The following PCCA variants were observed in gnomAD, a reference collection of about 807,000 sequenced individuals.
The protein encoded by PCCA is propionyl-CoA carboxylase alpha chain, mitochondrial.
In PCCA, 74 loss-of-function variants were observed where a neutral mutation model predicts 101.3. That is an observed-to-expected ratio of 0.73 (90% confidence interval 0.61 to 0.89). The LOEUF (loss-of-function observed/expected upper bound fraction) is 0.89, where lower values mean the gene tolerates loss of function less well. PCCA is among the 40% of genes least tolerant of loss of function. The pLI, the probability that PCCA is intolerant of heterozygous loss-of-function variation, is 0.00. For synonymous variants in PCCA, 294 were observed against 313.6 expected (o/e 0.94, Z 0.66); for missense variants, 891 against 907.0 (o/e 0.98, Z 0.23).
At chr13:100,514,283 A>T (rs2086679967) in intron 21 of PCCA, among the ~76,000 whole-genome samples, 1 of 152,198 alleles carries the variant, frequency 6.6e-6, no homozygotes, top group Admixed American at 6.5e-5. Context: ...AGGCCATCAA[A>T]GCTCTGCCCC....
chr13:100,398,343 G>A (rs146366131), intron 19 of PCCA, among the ~76,000 whole-genome samples: 197 of 152,296 alleles, frequency 1.3e-3, no homozygotes, highest in African/African-American at 4.3e-3. Flanking sequence ...CATTGAGAAC[G>A]TTACCTCAGT....
intron 19 of PCCA, among the ~76,000 whole-genome samples, chr13:100,419,572 AT>A (rs2078611583): frequency 6.6e-6 from 1 of 152,232 alleles, no homozygotes; most frequent in Non-Finnish European, 1.5e-5. Flanking sequence ...GGAAAGGTGT[AT>A]GGTAAGAAAA....
At chr13:100,109,062 A>C (rs923954834) in intron 2 of PCCA, among the ~76,000 whole-genome samples, 1 of 152,206 alleles carries the variant, frequency 6.6e-6, no homozygotes. Context: ...CCCCAGTTAG[A>C]CAGATAGGGG....
chr13:100,214,415 TTG>T (rs530930081), intron 7 of PCCA, among the ~76,000 whole-genome samples: 4 of 151,074 alleles, frequency 2.6e-5, no homozygotes, highest in African/African-American at 7.3e-5. Flanking sequence ...AGTTGTTTTT[TTG>T]TGTGTGTGTG....
chr13:100,224,048 C>T (rs572803703), intron 7 of PCCA, among the ~76,000 whole-genome samples: 5 of 152,348 alleles, frequency 3.3e-5, no homozygotes, highest in South Asian at 4.1e-4. Flanking sequence ...GCCGTGCGCC[C>T]GCACTCCTCA....
intron 18 of PCCA, among the ~76,000 whole-genome samples, chr13:100,364,441 T>G (rs2074965287): frequency 6.6e-6 from 1 of 152,240 alleles, no homozygotes; most frequent in African/African-American, 2.4e-5. Context: ...AAATGTATTT[T>G]CAGTGATTTT....
At chr13:100,196,729 A>G (rs1407230581) in intron 6 of PCCA, among the ~76,000 whole-genome samples, 2 of 152,236 alleles carry the variant, frequency 1.3e-5, no homozygotes, top group Non-Finnish European at 2.9e-5. Context: ...TGCAATTAGC[A>G]TCCCAAACAT....
chr13:100,360,769 A>G (rs2152800326), intron 18 of PCCA, among the ~76,000 whole-genome samples: 1 of 152,336 alleles, frequency 6.6e-6, no homozygotes, highest in East Asian at 1.9e-4. Context: ...CTTACACAGC[A>G]TAACCTTACC....
chr13:100,289,055 C>G (rs1202908041), intron 12 of PCCA, among the ~76,000 whole-genome samples: 1 of 152,112 alleles, frequency 6.6e-6, no homozygotes, highest in Non-Finnish European at 1.5e-5. Context: ...AAGTATATGT[C>G]TTTAAGTTTT....
intron 4 of PCCA, among the ~76,000 whole-genome samples, chr13:100,127,614 CG>C (rs2050082482): frequency 6.6e-6 from 1 of 152,062 alleles, no homozygotes; most frequent in Non-Finnish European, 1.5e-5. Flanking sequence ...ATTTGAGGGC[CG>C]GGCGTGGTGG....
At chr13:100,395,249 T>C (rs1314685451) in intron 19 of PCCA, among the ~76,000 whole-genome samples, 2 of 152,238 alleles carry the variant, frequency 1.3e-5, no homozygotes, top group Admixed American at 6.5e-5. Context: ...TGGTGTCTTG[T>C]TTCCATATTC....
At chr13:100,109,407 C>T (rs2152272650) in intron 2 of PCCA, among the ~76,000 whole-genome samples, 1 of 152,288 alleles carries the variant, frequency 6.6e-6, no homozygotes, top group South Asian at 2.1e-4. Flanking sequence ...AATGGGGATT[C>T]TTGCTTAATT....
At chr13:100,399,157 T>A (rs1218579607) in intron 19 of PCCA, among the ~76,000 whole-genome samples, 2 of 152,130 alleles carry the variant, frequency 1.3e-5, no homozygotes, top group African/African-American at 4.8e-5. Flanking sequence ...TATACAAAAA[T>A]GGGAAAATAT....
intron 4 of PCCA, among the ~76,000 whole-genome samples, chr13:100,129,138 A>G (rs1218911793): frequency 1.3e-5 from 2 of 152,160 alleles, no homozygotes; most frequent in Admixed American, 6.5e-5. Context: ...ATTTATGTTC[A>G]CCATCATTCT....
At chr13:100,523,427 AT>A (rs1453428498) in intron 22 of PCCA, among the ~76,000 whole-genome samples, 1 of 152,124 alleles carries the variant, frequency 6.6e-6, no homozygotes, top group Non-Finnish European at 1.5e-5. Context: ...CATTAGAGTC[AT>A]TTTGCCGACC....
chr13:100,254,288 G>T (rs759536600), intron 8 of PCCA, among the ~76,000 whole-genome samples: 3 of 152,162 alleles, frequency 2.0e-5, no homozygotes, highest in African/African-American at 7.2e-5. Context: ...TGAGATTTGG[G>T]TGGGGACACA....
At chr13:100,244,570 C>T (rs1283006909) in intron 8 of PCCA, among the ~76,000 whole-genome samples, 2 of 152,038 alleles carry the variant, frequency 1.3e-5, no homozygotes, top group Non-Finnish European at 2.9e-5. Context: ...GCATAACATT[C>T]AGGCAGGAAT....
intron 19 of PCCA, among the ~76,000 whole-genome samples, chr13:100,417,089 C>G (rs545911699): frequency 6.6e-6 from 1 of 152,172 alleles, no homozygotes; most frequent in African/African-American, 2.4e-5. Context: ...GTGATCCCCC[C>G]GCCTTGGCCT....
chr13:100,456,776 A>G (rs2081762506), intron 21 of PCCA, among the ~76,000 whole-genome samples: 1 of 152,190 alleles, frequency 6.6e-6, no homozygotes. Flanking sequence ...AAGAGGAACC[A>G]GGAGTTACGG....
Sources: gnomAD v4.1 joint callset for allele counts (sites outside exome capture counted in the v4.1 genomes callset) on GRCh38, gnomAD v4.1.1 for gene constraint, MANE v1.5 for transcripts, NCBI Gene and HGNC (gene_info 2026-07-23, HGNC 2026-07-21) for gene names.